The following PSD3 variants were observed in gnomAD, a reference collection of about 807,000 sequenced individuals.
The protein encoded by PSD3 is pleckstrin and Sec7 domain containing 3.
Under a neutral mutation model 105.5 loss-of-function variants are expected in PSD3, and 49 were observed. The observed-to-expected ratio is 0.46, with a 90% CI of 0.37 to 0.59. The LOEUF is 0.59. Among genes scored for constraint, PSD3 ranks in the 20% least tolerant of loss-of-function variants. The probability of loss-of-function intolerance (pLI) is 0.00; values close to 1 mark genes in which losing one functional copy is unlikely to be tolerated. For missense variants in PSD3, 1,561 were observed against 1,263.8 expected (o/e 1.24, Z -3.57); for synonymous variants, 557 against 457.8 (o/e 1.22, Z -2.77).
chr8:18,637,853 A>G (rs554601714), intron 10 of PSD3, among the ~76,000 whole-genome samples: 2 of 152,332 alleles, frequency 1.3e-5, no homozygotes, highest in East Asian at 3.9e-4. Context: ...TTATTCTATT[A>G]TCATCATTAA....
chr8:18,808,741 C>T (rs972619314), intron 4 of PSD3: 1 of 1,614,010 alleles, frequency 6.2e-7, no homozygotes, highest in Non-Finnish European at 8.5e-7. Context: ...AATATGATGG[C>T]AATATAAACT....
rs749832073 is a variant in PSD3, at chr8:18,765,459, T to C, written c.2162A>G (p.Asp721Gly). 1.8e-5 allele frequency: 29 copies of C among 1,607,920 alleles called. No individual in the cohort carries two copies. The highest frequency in any genetic ancestry group is 2.3e-5 in the Non-Finnish European group (27 of 1,174,464). ...TAGTTCCATGCTTACTTTCAGCAGA[T>C]CCTTGGAGAAATCAACACCCTCATT... is the stretch of plus-strand genomic sequence containing the variant. ...GVNEGVDFSK[D>G]LLKALYNSIK... The change falls in exon 9 of 16, where the codon GAT becomes GGT. Residue 721 changes from aspartate to glycine, a missense_variant. Transcript: ENST00000327040.
At position 18,919,940 on chromosome 8, in the gene PSD3, T is replaced by G. The variant is rs1820892352; in HGVS notation, c.130+16094A>C. Reference sequence around the variant, plus strand: ...GGGTGCAGCGCACCAGCACGGCACATGTATACATGTGTAACTAACCTGCAC... The same window carrying G: ...GGGTGCAGCGCACCAGCACGGCACAGGTATACATGTGTAACTAACCTGCAC... On this transcript the variant is annotated intron_variant, in intron 2 of 15. Transcript: ENST00000327040. 1.3e-5 allele frequency among the ~76,000 whole-genome samples: 2 copies of G among 149,752 alleles called. 1 individual carries two copies. The highest frequency in any genetic ancestry group is 1.3e-4 in the Admixed American group (2 of 14,976).
At chr8:18,967,192 G>A (rs943328172) in intron 1 of PSD3, among the ~76,000 whole-genome samples, 6 of 149,198 alleles carry the variant, frequency 4.0e-5, no homozygotes, top group African/African-American at 7.5e-5. Context: ...TTTCACTCTC[G>A]TTGCCCAGGC....
At chr8:18,585,481 C>G (rs148482989) in intron 12 of PSD3, among the ~76,000 whole-genome samples, 1 of 152,084 alleles carries the variant, frequency 6.6e-6, no homozygotes, top group African/African-American at 2.4e-5. Context: ...CTATGTCTGG[C>G]TAATTTTTGT....
intron 4 of PSD3, among the ~76,000 whole-genome samples, chr8:18,810,753 G>T (rs757964380): frequency 3.8e-4 from 58 of 152,128 alleles, no homozygotes; most frequent in Non-Finnish European, 7.5e-4. Context: ...GGAGTGAGAA[G>T]AAATGACTTC....
In PSD3 at chr8:18,741,825, T is replaced by A. The variant is rs111591555; in HGVS notation, c.2172+23624A>T. ...AAAAAAAAAAAAAAAAAAAAGGCTA[T>A]GCCATATGGTTACCAACAAATGAAA... On this transcript the variant is annotated intron_variant, in intron 9 of 15. Transcript: ENST00000327040. Among the ~76,000 whole-genome samples, 587 of 139,924 alleles carry A rather than the reference T, an allele frequency of 4.2e-3. 5 individuals are homozygous for A. The highest frequency in any genetic ancestry group is 0.015 in the African/African-American group (553 of 38,134). The allele number at this position is 139,924 out of a possible 152,430, so 91.8% of individuals were successfully genotyped here.
At chr8:18,541,446 T>C (rs1464911329) in intron 15 of PSD3, among the ~76,000 whole-genome samples, 1 of 152,148 alleles carries the variant, frequency 6.6e-6, no homozygotes, top group African/African-American at 2.4e-5. Context: ...TAATTCAGGA[T>C]CCTCTGGGAA....
intron 15 of PSD3, among the ~76,000 whole-genome samples, chr8:18,541,435 C>T (rs1407424833): frequency 6.6e-6 from 1 of 152,140 alleles, no homozygotes; most frequent in African/African-American, 2.4e-5. Context: ...TGATGTGTTC[C>T]TAATTCAGGA....
chr8:18,687,669 G>A (rs778912950), intron 9 of PSD3, among the ~76,000 whole-genome samples: 7 of 152,036 alleles, frequency 4.6e-5, no homozygotes, highest in African/African-American at 9.7e-5. Context: ...AGCCATCCAC[G>A]TGTGTGTGTC....
chr8:19,046,821 C>T (rs927629420), intron 1 of PSD3, among the ~76,000 whole-genome samples: 10 of 152,188 alleles, frequency 6.6e-5, no homozygotes, highest in African/African-American at 2.4e-4. Flanking sequence ...GCTTACATCA[C>T]TCAAGCCTTG....
chr8:18,867,974 A>C lies in PSD3; in HGVS notation c.1334T>G (p.Phe445Cys). Residue 445 changes from phenylalanine to cysteine, a missense_variant, in exon 4 of 16, where the codon TTT becomes TGT. Transcript: ENST00000327040. ...EDSTDVYSSQ[F>C]ETILDNTSLY... ...AGAAGTGTTGTCCAAAATGGTTTCA[A>C]ACTGGGAGCTGTACACGTCGGTGGA... 6.2e-7 allele frequency: 1 copy of C among 1,614,216 alleles called. No homozygotes were observed. The highest frequency in any genetic ancestry group is 8.5e-7 in the Non-Finnish European group (1 of 1,180,024).
intron 1 of PSD3, among the ~76,000 whole-genome samples, chr8:19,068,236 T>TA (rs1829140895): frequency 7.6e-6 from 1 of 132,026 alleles, no homozygotes; most frequent in Admixed American, 7.6e-5. Flanking sequence ...GGCTGAGGAT[T>TA]TTAAAAAAAA....
intron 11 of PSD3, among the ~76,000 whole-genome samples, chr8:18,601,004 G>A (rs2130573649): frequency 6.6e-6 from 1 of 152,274 alleles, no homozygotes; most frequent in East Asian, 1.9e-4. Context: ...TTGCTGTAAT[G>A]TACTATTTTC....
chr8:18,667,370 A>G (rs1245862990), intron 9 of PSD3, among the ~76,000 whole-genome samples: 1 of 152,160 alleles, frequency 6.6e-6, no homozygotes, highest in Non-Finnish European at 1.5e-5. Context: ...AGCTAGACAC[A>G]AAGTGCTGAT....
At chr8:18,758,737 C>G (rs1410623102) in intron 9 of PSD3, among the ~76,000 whole-genome samples, 1 of 152,046 alleles carries the variant, frequency 6.6e-6, no homozygotes, top group Non-Finnish European at 1.5e-5. Context: ...ATTACTCCAT[C>G]ATTTTCACAA....
At chr8:18,600,582 G>A in intron 11 of PSD3, 148 bp from the exon 12 acceptor site, 1 of 647,768 alleles carries the variant, frequency 1.5e-6, no homozygotes, top group Non-Finnish European at 2.6e-6. Flanking sequence ...TGAGCCTTAT[G>A]GTGTACCAGG....
At chr8:18,659,500 C>T (rs769778788) in intron 9 of PSD3, among the ~76,000 whole-genome samples, 20 of 152,178 alleles carry the variant, frequency 1.3e-4, no homozygotes, top group Admixed American at 3.3e-4. Context: ...TTTTCACAAA[C>T]ACTGACTCAA....
At chr8:18,761,327 C>A (rs964375918) in intron 9 of PSD3, among the ~76,000 whole-genome samples, 1 of 152,166 alleles carries the variant, frequency 6.6e-6, no homozygotes, top group African/African-American at 2.4e-5. Context: ...TAATCTCACT[C>A]GCCTCTAAAA....
Sources: gnomAD v4.1 joint callset for allele counts (sites outside exome capture counted in the v4.1 genomes callset) on GRCh38, gnomAD v4.1.1 for gene constraint, MANE v1.5 for transcripts, NCBI Gene and HGNC (gene_info 2026-07-23, HGNC 2026-07-21) for gene names.